The following SCFD2 variants were observed in gnomAD, a reference collection of about 807,000 sequenced individuals.
The protein encoded by SCFD2 is sec1 family domain-containing protein 2.
In SCFD2, 54 loss-of-function variants were observed where a neutral mutation model predicts 58.9. That is an observed-to-expected ratio of 0.92 (90% CI 0.74 to 1.15). The LOEUF (loss-of-function observed/expected upper bound fraction) is 1.15, where lower values mean the gene tolerates loss of function less well. SCFD2 is among the 50% of genes most tolerant of loss of function. The pLI is 0.00. For missense variants in SCFD2, 805 were observed against 836.6 expected (o/e 0.96, Z 0.47); for synonymous variants, 321 against 335.9 (o/e 0.96, Z 0.49).
Position 53,329,474 on chromosome 4 carries a change from A to C in SCFD2, c.1008-15711T>G, listed in dbSNP as rs533906485. ...GCAGCCTAACTGGGAGGCACCCCCC[A>C]GCAGGGGCACACTGACACCTCACAC... On this transcript the variant is annotated intron_variant, in intron 2 of 8. Coordinates refer to ENST00000401642, the MANE Select transcript of SCFD2 (RefSeq NM_152540.4). Among the ~76,000 whole-genome samples the C allele has an allele frequency of 8.8e-3, 1,339 of 151,340 alleles. 12 individuals are homozygous for C. The highest frequency in any genetic ancestry group is 0.048 in the Middle Eastern group (14 of 294).
intron 5 of SCFD2, among the ~76,000 whole-genome samples, chr4:52,984,136 C>T (rs1721437098): frequency 6.6e-6 from 1 of 152,202 alleles, no homozygotes; most frequent in Admixed American, 6.5e-5. Context: ...ATTGCCCCTG[C>T]CAGGTTCCCA....
intron 5 of SCFD2, among the ~76,000 whole-genome samples, chr4:53,117,048 A>G (rs1408071789): frequency 1.3e-5 from 2 of 152,220 alleles, no homozygotes; most frequent in Non-Finnish European, 2.9e-5. Context: ...ATCCTGAGAA[A>G]TAGACTCAGA....
chr4:52,974,109 C>G (rs1251978035), intron 5 of SCFD2, among the ~76,000 whole-genome samples: 2 of 152,156 alleles, frequency 1.3e-5, no homozygotes, highest in Non-Finnish European at 2.9e-5. Context: ...AAAACGGGCA[C>G]AAGACAGGGA....
At chr4:53,216,177 G>T (rs1385478044) in intron 4 of SCFD2, among the ~76,000 whole-genome samples, 2 of 152,178 alleles carry the variant, frequency 1.3e-5, no homozygotes, top group Non-Finnish European at 2.9e-5. Flanking sequence ...AGTTAGGGAG[G>T]ATTCCTCCTT....
chr4:53,181,096 T>A (rs1727536862), intron 4 of SCFD2, among the ~76,000 whole-genome samples: 1 of 152,168 alleles, frequency 6.6e-6, no homozygotes, highest in East Asian at 1.9e-4. Context: ...CTGGTACCAT[T>A]CCTTCTGAAA....
At chr4:52,924,825 T>C (rs911698434) in intron 5 of SCFD2, among the ~76,000 whole-genome samples, 1 of 152,214 alleles carries the variant, frequency 6.6e-6, no homozygotes, top group South Asian at 2.1e-4. Flanking sequence ...ATATCCCCGA[T>C]TGCAGACCTG....
intron 4 of SCFD2, among the ~76,000 whole-genome samples, chr4:53,238,273 A>C (rs1577880143): frequency 2.6e-5 from 2 of 76,968 alleles, no homozygotes; most frequent in Admixed American, 1.3e-4. Context: ...GGCGCCCCTC[A>C]CCTCCTGGAC....
At chr4:53,011,126 G>T (rs996433086) in intron 5 of SCFD2, among the ~76,000 whole-genome samples, 1 of 152,128 alleles carries the variant, frequency 6.6e-6, no homozygotes, top group African/African-American at 2.4e-5. Flanking sequence ...TATTATGTTT[G>T]CCAACTCATG....
chr4:53,281,668 C>A (rs561379490), intron 3 of SCFD2, among the ~76,000 whole-genome samples: 13 of 152,274 alleles, frequency 8.5e-5, no homozygotes, highest in Non-Finnish European at 1.2e-4. Context: ...GATAGAAATG[C>A]ACTCAGGAAG....
chr4:53,073,103 C>G (rs1465707316), intron 5 of SCFD2, among the ~76,000 whole-genome samples: 1 of 152,018 alleles, frequency 6.6e-6, no homozygotes, highest in Admixed American at 6.6e-5. Flanking sequence ...CTTGCTATTC[C>G]CCAAATCATA....
intron 5 of SCFD2, among the ~76,000 whole-genome samples, chr4:53,078,070 A>G (rs967912212): frequency 6.6e-6 from 1 of 152,186 alleles, no homozygotes; most frequent in Non-Finnish European, 1.5e-5. Flanking sequence ...CTCTGGCATG[A>G]TCAACAGGAA....
intron 4 of SCFD2, among the ~76,000 whole-genome samples, chr4:53,225,638 T>G (rs764076011): frequency 6.6e-6 from 1 of 152,252 alleles, no homozygotes; most frequent in African/African-American, 2.4e-5. Context: ...AAAGGGCGAC[T>G]ACCTGACATA....
intron 5 of SCFD2, among the ~76,000 whole-genome samples, chr4:52,968,611 T>C (rs1577867414): frequency 6.6e-6 from 1 of 152,344 alleles, no homozygotes; most frequent in African/African-American, 2.4e-5. Context: ...ACAGAGGTTG[T>C]CAAGAACCTA....
intron 4 of SCFD2, among the ~76,000 whole-genome samples, chr4:53,173,940 A>C (rs1235786070): frequency 6.6e-6 from 1 of 152,204 alleles, no homozygotes; most frequent in Non-Finnish European, 1.5e-5. Flanking sequence ...TCAACTAAAG[A>C]ATATGTTATA....
At chr4:53,255,777 C>A (rs1047873812) in intron 4 of SCFD2, among the ~76,000 whole-genome samples, 2 of 151,762 alleles carry the variant, frequency 1.3e-5, no homozygotes, top group Admixed American at 6.6e-5. Flanking sequence ...CCTCACTTCC[C>A]AGTAGGGGCG....
intron 4 of SCFD2, among the ~76,000 whole-genome samples, chr4:53,218,369 C>G (rs1728927723): frequency 6.6e-6 from 1 of 152,192 alleles, no homozygotes; most frequent in Non-Finnish European, 1.5e-5. Flanking sequence ...CTAAACTTCT[C>G]TTCTCGCTTC....
chr4:52,929,068 C>T (rs917320409), intron 5 of SCFD2, among the ~76,000 whole-genome samples: 1 of 152,122 alleles, frequency 6.6e-6, no homozygotes, highest in Non-Finnish European at 1.5e-5. Context: ...GAAGACCAAC[C>T]TCAATTGGCT....
Position 53,365,695 on chromosome 4 carries a change from C to CT in SCFD2, c.246dup (p.Gly83ArgfsTer34). On this transcript the variant is annotated frameshift_variant, in exon 1 of 9. Transcript: ENST00000401642. LOFTEE classifies it high-confidence loss of function. The surrounding 1 kb of genome is among the most constrained non-coding windows in gnomAD (Gnocchi z 4.3). ...TCCCGTAGGATCTCCACGGTCCGGCCTTTCAGCAGGCAGCTCAGCACAAAC... is the reference window on the plus strand; with the variant it reads ...TCCCGTAGGATCTCCACGGTCCGGCCTTTTCAGCAGGCAGCTCAGCACAAAC... The CT allele has an allele frequency of 1.2e-6, 2 of 1,614,212 alleles. No homozygotes were observed. Among genetic ancestry groups the CT allele is most frequent in the South Asian group, 2.2e-5 (2 of 91,082 alleles).
chr4:53,111,392 C>A (rs1195923727), intron 5 of SCFD2, among the ~76,000 whole-genome samples: 1 of 151,984 alleles, frequency 6.6e-6, no homozygotes. Context: ...TGTTACAGAA[C>A]TTTCTGGTAC....
Sources: gnomAD v4.1 joint callset for allele counts (sites outside exome capture counted in the v4.1 genomes callset) on GRCh38, gnomAD v4.1.1 for gene constraint, Gnocchi (gnomAD v3.1) non-coding constraint, MANE v1.5 for transcripts, NCBI Gene and HGNC (gene_info 2026-07-23, HGNC 2026-07-21) for gene names.